SLC8A3: variants seen among roughly 807,000 people sequenced by gnomAD.
The protein encoded by SLC8A3 is solute carrier family 8 member A3.
Under a neutral mutation model 65.4 loss-of-function variants are expected in SLC8A3, and 37 were observed. The observed-to-expected ratio is 0.57, with a 90% confidence interval of 0.44 to 0.74. The LOEUF is 0.74. Ranked by LOEUF, SLC8A3 falls within the 30% of genes least tolerant of loss-of-function variation. The pLI, the probability that SLC8A3 is intolerant of heterozygous loss-of-function variation, is 0.00. For synonymous variants in SLC8A3, 461 were observed against 444.5 expected (o/e 1.04, Z -0.47); for missense variants, 1,112 against 1,172.1 (o/e 0.95, Z 0.75).
At chr14:70,099,460 C>T (rs965489256) in intron 2 of SLC8A3, among the ~76,000 whole-genome samples, 1 of 152,188 alleles carries the variant, frequency 6.6e-6, no homozygotes, top group African/African-American at 2.4e-5. Flanking sequence ...CATGGACTAG[C>T]ATAATGACTG....
chr14:70,103,099 TAATC>T (rs1892642764), intron 2 of SLC8A3, among the ~76,000 whole-genome samples: 1 of 151,884 alleles, frequency 6.6e-6, no homozygotes, highest in Admixed American at 6.6e-5. Flanking sequence ...AAAGAGCAAA[TAATC>T]AATGACTTTT....
chr14:70,185,069 C>T (rs147777661), intron 1 of SLC8A3, among the ~76,000 whole-genome samples: 2 of 150,350 alleles, frequency 1.3e-5, no homozygotes, highest in Admixed American at 6.7e-5. Context: ...CAGGTTCAAG[C>T]GATTCTCCTG....
chr14:70,167,295 T>C lies in SLC8A3; in HGVS notation c.1128A>G (p.Gln376=). ...CGCTCATGCTGGAGGCCTTCTTGGC[T>C]TGTTCTGCTGCATGTTTCTTCAGGA... The part of the protein sequence containing the change: ...GNILKKHAAE[Q]AKKASSMSEV... Residue 376 remains glutamine (Q), a synonymous_variant, in exon 2 of 7, where the codon CAA becomes CAG. Coordinates refer to ENST00000356921, the MANE Select transcript of SLC8A3 (RefSeq NM_182932.3). 1 of 1,614,190 alleles carries C rather than the reference T, an allele frequency of 6.2e-7. No homozygotes were observed. The highest frequency in any genetic ancestry group is 8.5e-7 in the Non-Finnish European group (1 of 1,180,032).
At chr14:70,102,451 T>G (rs1421886796) in intron 2 of SLC8A3, among the ~76,000 whole-genome samples, 3 of 152,110 alleles carry the variant, frequency 2.0e-5, no homozygotes, top group Admixed American at 2.0e-4. Flanking sequence ...AAATAATTAC[T>G]AGACATGTGA....
intron 2 of SLC8A3, among the ~76,000 whole-genome samples, chr14:70,145,757 C>G (rs9672017): frequency 0.034 from 5,138 of 152,276 alleles, 302 homozygotes; most frequent in African/African-American, 0.12. Context: ...AACACCCTGT[C>G]CCCCAGCCCT....
Position 70,046,019 on chromosome 14 carries a change from G to A in SLC8A3, c.2694C>T (p.Leu898=), listed in dbSNP as rs368010189. The A allele has an allele frequency of 1.9e-6, 3 of 1,613,602 alleles. No homozygotes were observed. The East Asian group carries it at 6.7e-5, about 36-fold the overall frequency. The part of the protein sequence containing the change: ...PRGCKLATTW[L]FVSLWLLYIL... Reference sequence around the variant, plus strand: ...TGTAGAGGAGCCACAGGCTCACAAAGAGCCATGTTGTGGCGAGCTTGCAGC... The same window carrying A: ...TGTAGAGGAGCCACAGGCTCACAAAAAGCCATGTTGTGGCGAGCTTGCAGC... Residue 898 remains leucine (L), a synonymous_variant, in exon 7 of 7, where the codon CTC becomes CTT. Coordinates refer to ENST00000356921, the MANE Select transcript of SLC8A3 (RefSeq NM_182932.3). This position sits in a 1 kb window ranked among gnomAD's most constrained non-coding sequence, Gnocchi z 4.2.
At chr14:70,071,727 C>T (rs1450446928) in intron 2 of SLC8A3, among the ~76,000 whole-genome samples, 3 of 152,282 alleles carry the variant, frequency 2.0e-5, no homozygotes, top group East Asian at 1.9e-4. Context: ...ACAGAACTTG[C>T]GAGATAATAA....
At chr14:70,150,569 C>T (rs940615159) in intron 2 of SLC8A3, among the ~76,000 whole-genome samples, 2 of 152,098 alleles carry the variant, frequency 1.3e-5, no homozygotes, top group Admixed American at 6.5e-5. Context: ...GAACTCAATG[C>T]CTCCTACCCT....
At chr14:70,151,088 G>A (rs1594765631) in intron 2 of SLC8A3, among the ~76,000 whole-genome samples, 1 of 151,734 alleles carries the variant, frequency 6.6e-6, no homozygotes, top group Non-Finnish European at 1.5e-5. Context: ...CCCCACCTCT[G>A]CTAAAAGTAC....
intron 2 of SLC8A3, among the ~76,000 whole-genome samples, chr14:70,146,312 G>C (rs1895924302): frequency 6.6e-6 from 1 of 152,106 alleles, no homozygotes; most frequent in African/African-American, 2.4e-5. Context: ...GAGGCTAATG[G>C]GGGGCTGAGT....
chr14:70,049,623 T>A (rs10129447), intron 5 of SLC8A3, among the ~76,000 whole-genome samples: 71,352 of 151,412 alleles, frequency 0.47, 17,266 homozygotes, highest in African/African-American at 0.61. Context: ...CAGAACTTAA[T>A]GTATAATTAA....
chr14:70,142,305 A>C (rs1196817046), intron 2 of SLC8A3, among the ~76,000 whole-genome samples: 7 of 152,250 alleles, frequency 4.6e-5, no homozygotes, highest in Non-Finnish European at 1.0e-4. Context: ...TCAGAATCTC[A>C]GACTGACTAT....
rs55776930 is a variant in SLC8A3 at position 70,126,570 on chromosome 14, T to TCA, written c.1784+40067_1784+40068dup. Among the ~76,000 whole-genome samples, 402 of 117,106 alleles carry TCA rather than the reference T, an allele frequency of 3.4e-3. 1 individual carries two copies. Among genetic ancestry groups the TCA allele is most frequent in the African/African-American group, 0.012 (367 of 31,140 alleles). 76.8% of individuals were successfully genotyped at this position (117,106 alleles called of 152,430 possible). On this transcript the variant is annotated intron_variant, in intron 2 of 6. Transcript: ENST00000356921. ...AATTCTCTCTCTCTCTCTCTCTCTC[T>TCA]CACACACACACACACACACACACAC... is the stretch of plus-strand genomic sequence containing the variant.
chr14:70,072,198 C>T (rs917863172), intron 2 of SLC8A3, among the ~76,000 whole-genome samples: 7 of 152,190 alleles, frequency 4.6e-5, no homozygotes, highest in Non-Finnish European at 1.0e-4. Flanking sequence ...CCCATGGGTA[C>T]TCCTCTGCTT....
At chr14:70,181,564 A>AT (rs1882754442) in intron 1 of SLC8A3, among the ~76,000 whole-genome samples, 1 of 152,190 alleles carries the variant, frequency 6.6e-6, no homozygotes, top group African/African-American at 2.4e-5. Context: ...CAGCTTCTCC[A>AT]TAAAGCCTTC....
intron 1 of SLC8A3, chr14:70,187,035 C>T (rs984023372): frequency 2.0e-5 from 3 of 152,230 alleles, no homozygotes; most frequent in African/African-American, 7.2e-5. Context: ...CTTTTGGTGC[C>T]CCACCGGAAG....
At chr14:70,179,560 A>C (rs1882547473) in intron 1 of SLC8A3, among the ~76,000 whole-genome samples, 1 of 152,178 alleles carries the variant, frequency 6.6e-6, no homozygotes, top group South Asian at 2.1e-4. Context: ...TATATGGTTA[A>C]AGCCAATGAC....
chr14:70,162,273 C>T (rs970094903), intron 2 of SLC8A3, among the ~76,000 whole-genome samples: 33 of 152,260 alleles, frequency 2.2e-4, no homozygotes, highest in African/African-American at 7.2e-4. Context: ...ATTGAATAAG[C>T]AGCTTCTAAA....
chr14:70,156,588 A>C (rs1328500989), intron 2 of SLC8A3, among the ~76,000 whole-genome samples: 1 of 152,198 alleles, frequency 6.6e-6, no homozygotes, highest in East Asian at 1.9e-4. Context: ...GTCCTATGCA[A>C]TGGGACATGA....
Sources: allele counts gnomAD v4.1 joint callset (sites outside exome capture counted in the v4.1 genomes callset), GRCh38; gene constraint gnomAD v4.1.1; non-coding constraint Gnocchi (gnomAD v3.1); transcripts MANE v1.5; gene names NCBI Gene and HGNC (gene_info 2026-07-23, HGNC 2026-07-21).